CCDC158: variants seen among roughly 807,000 people sequenced by gnomAD.
CCDC158 encodes the protein coiled-coil domain containing 158.
Under a neutral mutation model 138.6 loss-of-function variants are expected in CCDC158, and 116 were observed. That is an observed-to-expected ratio of 0.84 (90% CI 0.72 to 0.98). The LOEUF (loss-of-function observed/expected upper bound fraction) is 0.98, where lower values mean the gene tolerates loss of function less well. Among genes scored for constraint, CCDC158 ranks in the 50% least tolerant of loss-of-function variants. CCDC158 has a pLI of 0.00. For synonymous variants in CCDC158, 436 were observed against 442.4 expected (o/e 0.99, Z 0.18); for missense variants, 1,265 against 1,306.1 (o/e 0.97, Z 0.48).
At chr4:76,356,777 ATAAATATTAATTTTTATGGTCAGC>A (rs1374796693) in intron 14 of CCDC158, 2 of 152,232 alleles carry the variant, frequency 1.3e-5, no homozygotes, top group African/African-American at 4.8e-5. Context: ...CTTTAATTAG[ATAAATATTAATTTTTATGGTCAGC>A]TAATATGGTC....
intron 12 of CCDC158, among the ~76,000 whole-genome samples, chr4:76,362,625 C>CA (rs1724259218): frequency 6.6e-6 from 1 of 152,108 alleles, no homozygotes; most frequent in South Asian, 2.1e-4. Context: ...TCCATTCACT[C>CA]AAAAAATACA....
intron 18 of CCDC158, among the ~76,000 whole-genome samples, chr4:76,346,315 C>T (rs1722539913): frequency 6.6e-6 from 1 of 152,214 alleles, no homozygotes; most frequent in Non-Finnish European, 1.5e-5. Context: ...CCATTCAGGA[C>T]ATAGGCATGG....
intron 18 of CCDC158, among the ~76,000 whole-genome samples, chr4:76,336,034 T>C (rs1369084548): frequency 6.6e-6 from 1 of 151,512 alleles, no homozygotes; most frequent in Admixed American, 6.6e-5. Context: ...ACAAAAAAAT[T>C]AGCCGGGCAT....
intron 4 of CCDC158, among the ~76,000 whole-genome samples, chr4:76,386,608 T>C (rs1335425590): frequency 6.6e-6 from 1 of 152,272 alleles, no homozygotes; most frequent in Non-Finnish European, 1.5e-5. Context: ...CAATTCTTTG[T>C]TCAAGATGCC....
At chr4:76,400,050 T>C (rs1268586630) in intron 3 of CCDC158, among the ~76,000 whole-genome samples, 1 of 152,120 alleles carries the variant, frequency 6.6e-6, no homozygotes, top group East Asian at 1.9e-4. Flanking sequence ...GAAATAATGT[T>C]ATCTGAGAGT....
At chr4:76,346,031 C>T (rs1204169107) in intron 18 of CCDC158, among the ~76,000 whole-genome samples, 1 of 152,090 alleles carries the variant, frequency 6.6e-6, no homozygotes, top group Non-Finnish European at 1.5e-5. Context: ...GGTACTGGTA[C>T]CAAAACAGAT....
chr4:76,359,846 T>C (rs62300854), intron 13 of CCDC158, among the ~76,000 whole-genome samples: 33,768 of 152,226 alleles, frequency 0.22, 3,943 homozygotes, highest in Middle Eastern at 0.29. Flanking sequence ...ATCCATTTTC[T>C]AGGGAGAAAT....
At chr4:76,362,014 C>T in intron 13 of CCDC158, 112 bp downstream of exon 13, 1 of 747,456 alleles carries the variant, frequency 1.3e-6, no homozygotes, top group East Asian at 2.7e-5. Context: ...CATAACTATT[C>T]ATGTTTGTCA....
At chr4:76,331,163 G>A (rs976094264) in intron 21 of CCDC158, among the ~76,000 whole-genome samples, 181 bp downstream of exon 21, 2 of 152,180 alleles carry the variant, frequency 1.3e-5, no homozygotes, top group Non-Finnish European at 2.9e-5. Flanking sequence ...CAGGCAGTCC[G>A]TCAAAAGACA....
intron 14 of CCDC158, among the ~76,000 whole-genome samples, chr4:76,356,969 G>A (rs1179111699): frequency 1.3e-5 from 2 of 152,016 alleles, no homozygotes; most frequent in South Asian, 2.1e-4. Context: ...TTTTTATCAC[G>A]GTGAAGCAAT....
intron 21 of CCDC158, among the ~76,000 whole-genome samples, chr4:76,329,218 A>G (rs1242231657): frequency 1.3e-5 from 2 of 152,188 alleles, no homozygotes; most frequent in Non-Finnish European, 2.9e-5. Context: ...CCATTTTTGC[A>G]TACTAATAGC....
intron 18 of CCDC158, among the ~76,000 whole-genome samples, chr4:76,336,276 T>G (rs1417135237): frequency 6.6e-6 from 1 of 152,028 alleles, no homozygotes; most frequent in African/African-American, 2.4e-5. Context: ...TTATTGACTT[T>G]ATCCCAATAC....
rs755817143 is a variant in CCDC158 at position 76,367,750 on chromosome 4, T to C, written c.1374A>G (p.Glu458=). ...RQMAAIQGKN[E]SLEKVSSLTA... ...TCAAGGAGGATACTTTTTCTAGACT[T>C]TCATTCTTTCCTTGAATTGCTGCCA... Residue 458 remains glutamate, a synonymous_variant, in exon 12 of 25, where the codon GAA becomes GAG. Transcript: ENST00000682701. 231 of 1,602,068 alleles carry C rather than the reference T, an allele frequency of 1.4e-4. No individual in the cohort carries two copies. Among genetic ancestry groups the C allele is most frequent in the Non-Finnish European group, 1.9e-4 (224 of 1,173,640 alleles).
At chr4:76,390,340 C>G (rs1425870802) in intron 4 of CCDC158, among the ~76,000 whole-genome samples, 1 of 151,864 alleles carries the variant, frequency 6.6e-6, no homozygotes, top group Non-Finnish European at 1.5e-5. Context: ...TATTGCAAGC[C>G]TCATGGTAAC....
intron 18 of CCDC158, among the ~76,000 whole-genome samples, chr4:76,343,397 C>G (rs1232282196): frequency 6.6e-6 from 1 of 152,060 alleles, no homozygotes; most frequent in Non-Finnish European, 1.5e-5. Flanking sequence ...GAATGGACAT[C>G]CAAGGGTCAC....
chr4:76,402,164 A>G (rs1167899951), intron 3 of CCDC158: 2 of 152,232 alleles, frequency 1.3e-5, no homozygotes, highest in Non-Finnish European at 2.9e-5. Flanking sequence ...TAAATTGAAA[A>G]GAAAAAAAGA....
At chr4:76,335,450 G>A (rs1284592850) in intron 18 of CCDC158, among the ~76,000 whole-genome samples, 1 of 152,136 alleles carries the variant, frequency 6.6e-6, no homozygotes, top group Non-Finnish European at 1.5e-5. Context: ...AAATTTTTGA[G>A]CCATTGACAT....
chr4:76,343,607 C>G (rs1346190290), intron 18 of CCDC158, among the ~76,000 whole-genome samples: 1 of 152,116 alleles, frequency 6.6e-6, no homozygotes, highest in African/African-American at 2.4e-5. Flanking sequence ...TTGAGACCAG[C>G]CTGGCCAACA....
rs1579041433 is a variant in CCDC158, at chr4:76,384,213, C to A, written c.601G>T (p.Gly201Cys). 10 of 1,613,958 alleles carry A rather than the reference C, an allele frequency of 6.2e-6. No individual in the cohort carries two copies. The highest frequency in any genetic ancestry group is 8.5e-6 in the Non-Finnish European group (10 of 1,180,008). Residue 201 changes from glycine to cysteine, a missense_variant, in exon 6 of 25, where the codon GGC becomes TGC. Physicochemically the swap from Gly to Cys is radical, Grantham distance 159. Transcript: ENST00000682701. ...CTGTCATGTTCACATATTTTTTTGCCTGAGGCTTCTTCAAAGTCAACTAGG... is the reference window on the plus strand; with the variant it reads ...CTGTCATGTTCACATATTTTTTTGCATGAGGCTTCTTCAAAGTCAACTAGG... ...SILVDFEEAS[G>C]KKICEHDSMS...
Sources: gnomAD v4.1 joint callset for allele counts (sites outside exome capture counted in the v4.1 genomes callset) on GRCh38, gnomAD v4.1.1 for gene constraint, MANE v1.5 for transcripts, NCBI Gene and HGNC (gene_info 2026-07-23, HGNC 2026-07-21) for gene names.